DOCK4: variants seen among roughly 807,000 people sequenced by gnomAD.
DOCK4 encodes dedicator of cytokinesis protein 4.
In DOCK4, 97 loss-of-function variants were observed where a neutral mutation model predicts 268.1. That is an observed-to-expected ratio of 0.36 (90% CI 0.31 to 0.43). DOCK4 has a LOEUF of 0.43. Ranked by LOEUF, DOCK4 falls within the 20% of genes least tolerant of loss-of-function variation. The pLI is 1.00. For missense variants in DOCK4, 2,145 were observed against 2,455.7 expected (o/e 0.87, Z 2.67); for synonymous variants, 954 against 887.2 (o/e 1.08, Z -1.34).
At chr7:111,970,010 G>T (rs567726726) in intron 8 of DOCK4, among the ~76,000 whole-genome samples, 2 of 152,236 alleles carry the variant, frequency 1.3e-5, no homozygotes, top group East Asian at 3.9e-4. Flanking sequence ...TCTGTTTCCT[G>T]ATGCCTCCTA....
At chr7:111,924,412 A>G (rs1488625182) in intron 12 of DOCK4, among the ~76,000 whole-genome samples, 1 of 152,198 alleles carries the variant, frequency 6.6e-6, no homozygotes, top group East Asian at 1.9e-4. Flanking sequence ...GAGATACCAT[A>G]TACCTTGACT....
intron 1 of DOCK4, among the ~76,000 whole-genome samples, chr7:112,142,109 T>C (rs568331455): frequency 6.6e-6 from 1 of 152,308 alleles, no homozygotes; most frequent in African/African-American, 2.4e-5. Context: ...CATTAACTCA[T>C]GTGGTCCTCA....
intron 13 of DOCK4, among the ~76,000 whole-genome samples, chr7:111,907,409 AC>A (rs1362025294): frequency 1.3e-5 from 2 of 152,100 alleles, no homozygotes; most frequent in Non-Finnish European, 1.5e-5. Context: ...TTGCCATCCC[AC>A]TCTGAGACAA....
chr7:111,903,716 T>A (rs1791334886), intron 13 of DOCK4, among the ~76,000 whole-genome samples: 1 of 152,190 alleles, frequency 6.6e-6, no homozygotes, highest in South Asian at 2.1e-4. Flanking sequence ...CATGCTAGTT[T>A]AACAAGAGGT....
intron 1 of DOCK4, among the ~76,000 whole-genome samples, chr7:112,188,642 C>T (rs1819663185): frequency 6.6e-6 from 1 of 152,204 alleles, no homozygotes; most frequent in Non-Finnish European, 1.5e-5. Flanking sequence ...GAAGATTTCC[C>T]TACCACCACT....
intron 37 of DOCK4, 75 bp from the exon 38 acceptor site, chr7:111,767,193 A>T: frequency 1.2e-5 from 13 of 1,041,154 alleles, no homozygotes; most frequent in East Asian, 2.6e-5. Context: ...TCAGAACATG[A>T]GTGCTTTCAG....
chr7:112,066,709 A>ATGTGTGTG (rs1563052365), intron 1 of DOCK4, among the ~76,000 whole-genome samples: 1 of 77,812 alleles, frequency 1.3e-5, no homozygotes, highest in African/African-American at 5.6e-5. Context: ...ATATATATAT[A>ATGTGTGTG]TATATATATA....
At position 112,087,057 on chromosome 7, in the gene DOCK4, T is replaced by C. The variant is rs142003124; in HGVS notation, c.38-82926A>G. On this transcript the variant is annotated intron_variant, in intron 1 of 52. Coordinates refer to ENST00000428084, the MANE Select transcript of DOCK4 (RefSeq NM_001363540.2). Reference sequence around the variant, plus strand: ...CCTCAGGAGTCTCAGAGTTCTATATTTTGTGGTGCAGACAGGGCAGCTCAC... The same window carrying C: ...CCTCAGGAGTCTCAGAGTTCTATATCTTGTGGTGCAGACAGGGCAGCTCAC... 3.3e-5 allele frequency among the ~76,000 whole-genome samples: 5 copies of C among 151,862 alleles called. No homozygotes were observed. The South Asian group carries it at 6.2e-4, about 19-fold the overall frequency.
intron 1 of DOCK4, among the ~76,000 whole-genome samples, chr7:112,036,723 T>C (rs912772795): frequency 1.2e-4 from 18 of 149,766 alleles, no homozygotes; most frequent in Non-Finnish European, 2.1e-4. Context: ...TGCAGTGGCA[T>C]GATCTCTACC....
In DOCK4 at chr7:112,097,326, CACCTTGG is replaced by C. The variant is rs559886432; in HGVS notation, c.38-93202_38-93196del. The stretch of plus-strand genomic sequence containing the variant: ...TCATGGCTCATGCCTGTAATCCCAG[CACCTTGG>C]GAGGCCGTGGTGGGAAGACCACTTG... On this transcript the variant is annotated intron_variant, in intron 1 of 52. Transcript: ENST00000428084. Among the ~76,000 whole-genome samples, 890 of 152,226 alleles carry C rather than the reference CACCTTGG, an allele frequency of 5.8e-3. 3 individuals are homozygous for C. Among genetic ancestry groups the C allele is most frequent in the Non-Finnish European group, 5.9e-3 (399 of 68,002 alleles).
In DOCK4 at chr7:111,727,906, C is replaced by CAAG. The variant is rs1794754057; in HGVS notation, c.*365_*367dup. 1 of 174,392 alleles carries CAAG rather than the reference C, an allele frequency of 5.7e-6. No homozygotes were observed. Among genetic ancestry groups the CAAG allele is most frequent in the African/African-American group, 2.3e-5 (1 of 42,558 alleles). 10.8% of individuals were successfully genotyped at this position (174,392 alleles called of 1,614,324 possible). A position where few individuals can be genotyped will look rare whatever the true frequency, so the allele number is the denominator to read the frequency against. On this transcript the variant is annotated 3_prime_UTR_variant, in exon 53 of 53. Coordinates refer to ENST00000428084, the MANE Select transcript of DOCK4 (RefSeq NM_001363540.2). ...GACTTAATAAGCTTTCTCCAAGTAT[C>CAAG]AAGTATTCAGTAAAAACGATACAAC... is the stretch of plus-strand genomic sequence containing the variant.
At chr7:111,956,844 T>C (rs1345500907) in intron 8 of DOCK4, among the ~76,000 whole-genome samples, 1 of 152,152 alleles carries the variant, frequency 6.6e-6, no homozygotes, top group Non-Finnish European at 1.5e-5. Flanking sequence ...ATAAACTAAA[T>C]TGACTGAGAT....
intron 1 of DOCK4, among the ~76,000 whole-genome samples, chr7:112,031,438 T>A (rs1563012594): frequency 6.6e-6 from 1 of 152,064 alleles, no homozygotes; most frequent in African/African-American, 2.4e-5. Context: ...CTTCCTCCCC[T>A]CCCTCCCTCT....
chr7:111,934,830 C>A (rs1020073715), intron 12 of DOCK4, among the ~76,000 whole-genome samples: 1 of 150,864 alleles, frequency 6.6e-6, no homozygotes, highest in Non-Finnish European at 1.5e-5. Flanking sequence ...TGAGCCACTG[C>A]GCCCGGCCGC....
chr7:112,134,378 GAAGGTATAAAAAGT>G (rs1475361665), intron 1 of DOCK4, among the ~76,000 whole-genome samples: 1 of 152,152 alleles, frequency 6.6e-6, no homozygotes, highest in African/African-American at 2.4e-5. Flanking sequence ...ATAAACTGTG[GAAGGTATAAAAAGT>G]GTTTTTACTT....
intron 22 of DOCK4, 93 bp downstream of exon 22, chr7:111,867,891 T>A (rs1806102623): frequency 4.9e-6 from 6 of 1,234,250 alleles, no homozygotes; most frequent in South Asian, 4.3e-5. Context: ...AATTGACTTC[T>A]GATGGAGAAA....
intron 8 of DOCK4, among the ~76,000 whole-genome samples, chr7:111,947,307 G>A: frequency 6.6e-6 from 1 of 152,162 alleles, no homozygotes; most frequent in East Asian, 1.9e-4. Context: ...GGCTGTTTTG[G>A]AACACTTATT....
intron 1 of DOCK4, among the ~76,000 whole-genome samples, chr7:112,148,453 C>T (rs1462082618): frequency 3.9e-5 from 6 of 152,052 alleles, no homozygotes; most frequent in Non-Finnish European, 7.4e-5. Flanking sequence ...AAGTGAAATA[C>T]AATTATCTAA....
intron 26 of DOCK4, among the ~76,000 whole-genome samples, chr7:111,826,661 A>G (rs1196794172): frequency 6.6e-6 from 1 of 152,190 alleles, no homozygotes; most frequent in Non-Finnish European, 1.5e-5. Context: ...GTTCTCACTT[A>G]TAAGTGAGAG....
Sources: allele counts gnomAD v4.1 joint callset (sites outside exome capture counted in the v4.1 genomes callset), GRCh38; gene constraint gnomAD v4.1.1; transcripts MANE v1.5; gene names NCBI Gene and HGNC (gene_info 2026-07-23, HGNC 2026-07-21).